Variants in MYH7B observed in about 807,000 individuals in gnomAD.
MYH7B encodes myosin-7B.
MYH7B carries 205 observed loss-of-function variants against 234.5 expected under a neutral mutation model. The observed-to-expected ratio is 0.87, with a 90% CI of 0.78 to 0.98. The LOEUF (loss-of-function observed/expected upper bound fraction) is 0.98. Ranked by LOEUF, MYH7B falls within the 50% of genes least tolerant of loss-of-function variation. The pLI is 0.00. For synonymous variants in MYH7B, 1,193 were observed against 1,105.0 expected (o/e 1.08, Z -1.58); for missense variants, 2,652 against 2,633.4 (o/e 1.01, Z -0.15).
exon 44 of MYH7B, chr20:35,002,044 A>G: frequency 6.2e-7 from 1 of 1,612,248 alleles, no homozygotes; most frequent in Non-Finnish European, 8.5e-7. Context: ...AACCCAGGCC[A>G]ACAAGCTGCG....
intron 2 of MYH7B, among the ~76,000 whole-genome samples, chr20:34,974,908 G>A (rs1014661761): frequency 3.3e-5 from 5 of 152,174 alleles, no homozygotes; most frequent in African/African-American, 1.2e-4. Flanking sequence ...TTTTCTAGTG[G>A]CAGGAGGTAG....
intron 2 of MYH7B, among the ~76,000 whole-genome samples, chr20:34,960,321 C>T (rs889122518): frequency 2.0e-5 from 3 of 152,062 alleles, no homozygotes; most frequent in South Asian, 2.1e-4. Context: ...CTGCAAGCTC[C>T]GCCTCCCGTG....
intron 8 of MYH7B, 109 bp downstream of exon 8, chr20:34,980,843 C>A: frequency 6.6e-7 from 1 of 1,525,666 alleles, no homozygotes; most frequent in Non-Finnish European, 8.9e-7. Context: ...TTTGACGCTG[C>A]TGGACATGGT....
intron 38 of MYH7B, 115 bp downstream of exon 38, chr20:35,000,021 C>T: frequency 9.4e-7 from 1 of 1,066,896 alleles, no homozygotes; most frequent in South Asian, 1.4e-5. Flanking sequence ...GGGTTGCTGT[C>T]TCCATTCTAG....
Position 35,002,189 on chromosome 20 carries a change from C to T in MYH7B, c.*1C>T, listed in dbSNP as rs187410376. On this transcript the variant is annotated 3_prime_UTR_variant, in exon 45 of 45. Coordinates refer to ENST00000262873, the Ensembl canonical transcript of MYH7B. ...CCTTTCTCCTCAGCACAAGGAGTGA[C>T]GGCCTGACCCCCTGGGCTCTAAAGA... 1,422 of 1,537,846 alleles carry T rather than the reference C, an allele frequency of 9.2e-4. 5 individuals carry two copies. The highest frequency in any genetic ancestry group is 7.7e-4 in the Non-Finnish European group (881 of 1,144,878).
At position 34,965,144 on chromosome 20, in the gene MYH7B, G is replaced by T. The variant is rs556554962; in HGVS notation, c.-222+6932G>T. Among the ~76,000 whole-genome samples the T allele has an allele frequency of 2.0e-5, 3 of 152,228 alleles. No individual in the cohort carries two copies. The East Asian group carries it at 5.8e-4, about 29-fold the overall frequency. On this transcript the variant is annotated intron_variant, in intron 2 of 44. Coordinates refer to ENST00000262873, the Ensembl canonical transcript of MYH7B. ...TGGCCTCAAGTGACCCTCTTGCCTT[G>T]GCCTCCCAAAGTACTGGGATTACAG...
chr20:34,982,343 G>T, intron 9 of MYH7B, 116 bp from the exon 10 acceptor site: 1 of 834,958 alleles, frequency 1.2e-6, no homozygotes. Context: ...CCATCCTTGG[G>T]GGTTTCAAGC....
At position 34,998,375 on chromosome 20, in the gene MYH7B, G is replaced by C. The variant is rs1449248985; in HGVS notation, c.3828G>C (p.Gln1276His). ...TCAAGGTGGAGGAGCTGCAGCGGCA[G>C]CTGGCGGACGCAAGCACGCAGCGTG... The change falls in exon 33 of 45, where the codon CAG becomes CAC. Residue 1276 changes from glutamine to histidine, a missense_variant. This residue lies in a region of MYH7B where 2,279 missense variants were observed against 2,211.4 expected (regional missense o/e 1.03). Coordinates refer to ENST00000262873, the Ensembl canonical transcript of MYH7B. The C allele has an allele frequency of 1.2e-6, 2 of 1,613,712 alleles. No homozygotes were observed. The highest frequency in any genetic ancestry group is 3.3e-5 in the Admixed American group (2 of 60,030).
chr20:34,987,663 G>A (rs770184126), exon 17 of MYH7B: 2 of 1,613,508 alleles, frequency 1.2e-6, no homozygotes, highest in Non-Finnish European at 1.7e-6. Flanking sequence ...CCAAGGGCCA[G>A]AGTGTGGAGC....
chr20:34,984,502 T>G (rs930973190), intron 10 of MYH7B, among the ~76,000 whole-genome samples, 190 bp from the exon 11 acceptor site: 2 of 152,118 alleles, frequency 1.3e-5, no homozygotes, highest in African/African-American at 2.4e-5. Context: ...CACTCCCACT[T>G]TCCAGCATTT....
At chr20:34,960,348 A>G (rs754566738) in intron 2 of MYH7B, among the ~76,000 whole-genome samples, 15 of 151,580 alleles carry the variant, frequency 9.9e-5, no homozygotes, top group Admixed American at 2.0e-4. Flanking sequence ...CCATTCTCCT[A>G]CCTCAGCCTC....
At position 34,998,491 on chromosome 20, in the gene MYH7B, G is replaced by A. The variant is rs376348516; in HGVS notation, c.3875-20G>A. 90 of 1,612,926 alleles carry A rather than the reference G, an allele frequency of 5.6e-5. No homozygotes were observed. In the African/African-American group the frequency reaches 8.5e-4, roughly 15 times the overall value. On this transcript the variant is annotated intron_variant, in intron 33 of 44. Transcript: ENST00000262873. ...CAGCCCTCACCAGCCTGACCTGTCCGCTCGCCTCTTTGCCTGCAGGGGAGC... is the reference window on the plus strand; with the variant it reads ...CAGCCCTCACCAGCCTGACCTGTCCACTCGCCTCTTTGCCTGCAGGGGAGC...
chr20:34,993,499 G>A (rs2147219316), intron 26 of MYH7B, 29 bp downstream of exon 26: 2 of 1,535,172 alleles, frequency 1.3e-6, no homozygotes, highest in Non-Finnish European at 1.7e-6. Context: ...CTGGGGACAG[G>A]GTGTGTCCCC....
chr20:34,975,684 G>A (rs145516304), intron 3 of MYH7B, among the ~76,000 whole-genome samples, 185 bp downstream of exon 3: 16 of 152,224 alleles, frequency 1.1e-4, no homozygotes, highest in East Asian at 7.7e-4. Flanking sequence ...GGGTCTGGGC[G>A]GCTGTAATTT....
chr20:34,986,976 T>C (rs1165091601), exon 15 of MYH7B: 1 of 1,613,626 alleles, frequency 6.2e-7, no homozygotes. Context: ...GGGGAGGAGC[T>C]CATCGCCACC....
intron 2 of MYH7B, among the ~76,000 whole-genome samples, chr20:34,972,233 T>C (rs1307388757): frequency 6.6e-6 from 1 of 152,192 alleles, no homozygotes; most frequent in African/African-American, 2.4e-5. Context: ...ATGATCTGCC[T>C]GTCCACCCTC....
exon 17 of MYH7B, chr20:34,987,584 G>A (rs1409592158): frequency 6.2e-7 from 1 of 1,613,766 alleles, no homozygotes; most frequent in Non-Finnish European, 8.5e-7. Context: ...TACCTGATGG[G>A]GGTCAGCAGT....
At chr20:34,959,954 T>G (rs886574165) in intron 2 of MYH7B, among the ~76,000 whole-genome samples, 1 of 152,194 alleles carries the variant, frequency 6.6e-6, no homozygotes, top group African/African-American at 2.4e-5. Flanking sequence ...AAAGGAAGGC[T>G]TGAAGAGGTA....
exon 44 of MYH7B, chr20:35,001,988 C>T: frequency 6.2e-7 from 1 of 1,613,968 alleles, no homozygotes; most frequent in Non-Finnish European, 8.5e-7. Flanking sequence ...TATCGCAAGG[C>T]CCAGCACGAG....
Sources: gnomAD v4.1 joint callset for allele counts (sites outside exome capture counted in the v4.1 genomes callset) on GRCh38, gnomAD v4.1.1 for gene constraint, gnomAD v4.1.1 regional missense constraint, MANE v1.5 for transcripts, NCBI Gene and HGNC (gene_info 2026-07-23, HGNC 2026-07-21) for gene names.